Variants in TRIO observed in about 807,000 individuals in gnomAD.
The protein encoded by TRIO is triple functional domain protein.
TRIO carries 58 observed loss-of-function variants against 351.9 expected under a neutral mutation model. The observed-to-expected ratio is 0.16, with a 90% CI of 0.13 to 0.21. The LOEUF (loss-of-function observed/expected upper bound fraction) is 0.21, where lower values mean the gene tolerates loss of function less well. Among genes scored for constraint, TRIO ranks in the 10% least tolerant of loss-of-function variants. The pLI is 1.00. For missense variants in TRIO, 3,201 were observed against 4,027.8 expected, an observed-to-expected ratio of 0.79 and a Z score of 5.56; for synonymous variants, 1,758 against 1,595.7, an observed-to-expected ratio of 1.10 and a Z score of -2.42.
chr5:14,248,168 T>C (rs57155535), intron 1 of TRIO, among the ~76,000 whole-genome samples: 17,830 of 152,106 alleles, frequency 0.12, 1,428 homozygotes, highest in African/African-American at 0.22. Context: ...TACCTCATGG[T>C]ATATTAGGAA....
intron 27 of TRIO, among the ~76,000 whole-genome samples, chr5:14,393,439 G>C (rs1747288174): frequency 6.6e-6 from 1 of 152,172 alleles, no homozygotes; most frequent in South Asian, 2.1e-4. Context: ...AATCATGCCT[G>C]AGAGATTTCA....
intron 1 of TRIO, among the ~76,000 whole-genome samples, chr5:14,197,593 A>C (rs138610781): frequency 6.6e-6 from 1 of 152,364 alleles, no homozygotes; most frequent in African/African-American, 2.4e-5. Context: ...TTATTTGCCA[A>C]GAACTATGAA....
intron 34 of TRIO, among the ~76,000 whole-genome samples, chr5:14,433,538 C>G (rs553582544): frequency 6.6e-6 from 1 of 152,184 alleles, no homozygotes; most frequent in Non-Finnish European, 1.5e-5. Flanking sequence ...GGGAAGAAAA[C>G]AAGGGCCAGG....
chr5:14,224,662 A>C (rs1163808614), intron 1 of TRIO, among the ~76,000 whole-genome samples: 1 of 147,546 alleles, frequency 6.8e-6, no homozygotes, highest in Non-Finnish European at 1.5e-5. Flanking sequence ...AGAAGAGGCA[A>C]AGTGGAAGGA....
Position 14,388,689 on chromosome 5 carries a change from T to G in TRIO, c.3948+10T>G. On this transcript the variant is annotated intron_variant, in intron 24 of 56. Transcript: ENST00000344204. ...CCGGGAATGTATGGATGTAAGTAAG[T>G]TTTTTTTTTTTTTTTTTGCTTGTTT... The G allele has an allele frequency of 6.2e-6, 2 of 320,406 alleles. No individual in the cohort carries two copies. The highest frequency in any genetic ancestry group is 9.2e-6 in the Non-Finnish European group (2 of 217,028). 19.8% of individuals were successfully genotyped at this position (320,406 alleles called of 1,614,324 possible). A position where few individuals can be genotyped will look rare whatever the true frequency, so the allele number is the denominator to read the frequency against.
chr5:14,500,091 G>A lies in TRIO; in HGVS notation c.8332+1451G>A, dbSNP rs548424824. On this transcript the variant is annotated intron_variant, in intron 53 of 56. Transcript: ENST00000344204. Reference sequence around the variant, plus strand: ...AAAAGACTATTCATACCCTGGAAATGCAAATGGGAAAATAATCCAAGTGTG... The same window carrying A: ...AAAAGACTATTCATACCCTGGAAATACAAATGGGAAAATAATCCAAGTGTG... 4.4e-4 allele frequency among the ~76,000 whole-genome samples: 66 copies of A among 150,154 alleles called. 1 individual carries two copies. The highest frequency in any genetic ancestry group is 3.9e-3 in the Admixed American group (59 of 15,092).
Position 14,287,075 on chromosome 5 carries a change from C to T in TRIO, c.540+12C>T, listed in dbSNP as rs200916990. 1.9e-4 allele frequency: 310 copies of T among 1,612,862 alleles called. 1 individual carries two copies. The African/African-American group carries it at 3.0e-3, about 16-fold the overall frequency. On this transcript the variant is annotated intron_variant, in intron 4 of 56. Coordinates refer to ENST00000344204, the MANE Select transcript of TRIO (RefSeq NM_007118.4). ...AATTTGAATTTGAGGTAACTTCCCC[C>T]GTGTGGCTAGACCCACTAAACAAGT... is the stretch of plus-strand genomic sequence containing the variant.
At chr5:14,506,196 C>T (rs1757670303) in intron 55 of TRIO, among the ~76,000 whole-genome samples, 1 of 152,226 alleles carries the variant, frequency 6.6e-6, no homozygotes, top group Admixed American at 6.5e-5. Flanking sequence ...CACAAATCTC[C>T]TAAAGGCCTT....
Position 14,461,028 on chromosome 5 carries a change from C to G in TRIO, c.5213C>G (p.Ser1738Cys), listed in dbSNP as rs1224074421. 1 of 1,570,966 alleles carries G rather than the reference C, an allele frequency of 6.4e-7. No homozygotes were observed. ...EGIFNHKDSLSVSSNDASPPA... is the reference protein window; with the variant it reads ...EGIFNHKDSLCVSSNDASPPA... ...TCTTTCTCCCTGGCAGACTCGCTCT[C>G]CGTCTCCAGCAATGACGCCAGTCCA... Residue 1738 changes from serine (S) to cysteine (C), a missense_variant, in exon 35 of 57, where the codon TCC becomes TGC. Transcript: ENST00000344204.
At chr5:14,360,934 C>A (rs1744094658) in intron 13 of TRIO, among the ~76,000 whole-genome samples, 3 of 152,206 alleles carry the variant, frequency 2.0e-5, no homozygotes. Flanking sequence ...CATTTAGATC[C>A]ACATGGAGCC....
intron 11 of TRIO, among the ~76,000 whole-genome samples, chr5:14,344,234 C>G (rs1343324325): frequency 1.3e-5 from 2 of 150,436 alleles, no homozygotes; most frequent in African/African-American, 2.5e-5. Context: ...TAGATTTGAC[C>G]TTGGCATCAC....
At chr5:14,328,507 G>T (rs769222396) in intron 9 of TRIO, among the ~76,000 whole-genome samples, 2 of 152,190 alleles carry the variant, frequency 1.3e-5, no homozygotes, top group African/African-American at 2.4e-5. Flanking sequence ...AAAATAATGC[G>T]CTCAATACGC....
chr5:14,452,907 T>A (rs1356603294), intron 34 of TRIO, among the ~76,000 whole-genome samples: 1 of 152,118 alleles, frequency 6.6e-6, no homozygotes. Context: ...ACTTTTTTTT[T>A]AAGGTTTTTA....
intron 11 of TRIO, among the ~76,000 whole-genome samples, chr5:14,340,142 C>T (rs897579609): frequency 1.3e-5 from 2 of 152,072 alleles, no homozygotes; most frequent in Non-Finnish European, 2.9e-5. Context: ...CGCCTGTAAT[C>T]CCAGCACTTT....
intron 1 of TRIO, among the ~76,000 whole-genome samples, chr5:14,242,793 A>G (rs140476466): frequency 2.6e-5 from 4 of 152,340 alleles, no homozygotes; most frequent in East Asian, 3.9e-4. Context: ...TGTTCAGGCT[A>G]TTCGGGCTTT....
chr5:14,175,367 T>C (rs1415351325), intron 1 of TRIO, among the ~76,000 whole-genome samples: 3 of 152,244 alleles, frequency 2.0e-5, no homozygotes, highest in African/African-American at 7.2e-5. Flanking sequence ...TTTCCACTCC[T>C]TACTTAGAAC....
At chr5:14,350,622 C>T (rs1742993193) in intron 11 of TRIO, among the ~76,000 whole-genome samples, 1 of 152,164 alleles carries the variant, frequency 6.6e-6, no homozygotes, top group South Asian at 2.1e-4. Context: ...AGTGTCCACG[C>T]ACTGTCCCAT....
rs1411240963 is a variant in TRIO at position 14,509,267 on chromosome 5, T to C, written c.*845T>C. On this transcript the variant is annotated 3_prime_UTR_variant, in exon 57 of 57. Coordinates refer to ENST00000344204, the MANE Select transcript of TRIO (RefSeq NM_007118.4). ...GGTTTTTTGGTTTTACTTCATATCA[T>C]GTGCAATGTTGTGGCTTTAACATTT... is the stretch of plus-strand genomic sequence containing the variant. 1.1e-5 allele frequency: 4 copies of C among 361,908 alleles called. No homozygotes were observed. In the East Asian group the frequency reaches 3.2e-4, roughly 29 times the overall value. 22.4% of individuals were successfully genotyped at this position (361,908 alleles called of 1,614,324 possible).
intron 1 of TRIO, among the ~76,000 whole-genome samples, chr5:14,241,667 A>C (rs1581427517): frequency 6.6e-6 from 1 of 152,334 alleles, no homozygotes; most frequent in South Asian, 2.1e-4. Context: ...ATATTATTTA[A>C]AATAGCACAA....
Sources: allele counts gnomAD v4.1 joint callset (sites outside exome capture counted in the v4.1 genomes callset), GRCh38; gene constraint gnomAD v4.1.1; transcripts MANE v1.5; gene names NCBI Gene and HGNC (gene_info 2026-07-23, HGNC 2026-07-21).